The following LRP1B variants were observed in gnomAD, a reference collection of about 807,000 sequenced individuals.
LRP1B encodes the protein LDL receptor related protein 1B.
LRP1B carries 217 observed loss-of-function variants against 556.6 expected under a neutral mutation model. The ratio of observed to expected loss-of-function variants is 0.39; its 90% CI spans 0.35 to 0.44. LRP1B has a LOEUF of 0.44. Among genes scored for constraint, LRP1B ranks in the 20% least tolerant of loss-of-function variants. The pLI, the probability that LRP1B is intolerant of heterozygous loss-of-function variation, is 1.00. For missense variants in LRP1B, 5,053 were observed against 5,620.8 expected, an observed-to-expected ratio of 0.90 and a Z score of 3.23; for synonymous variants, 2,047 against 1,865.8, an observed-to-expected ratio of 1.10 and a Z score of -2.50.
intron 3 of LRP1B, among the ~76,000 whole-genome samples, chr2:141,358,544 C>T (rs1031674617): frequency 6.6e-6 from 1 of 152,202 alleles, no homozygotes; most frequent in African/African-American, 2.4e-5. Flanking sequence ...TCTTACCCTC[C>T]AATCTTCCTA....
At chr2:140,766,063 G>T (rs2015657) in intron 35 of LRP1B, among the ~76,000 whole-genome samples, 133,249 of 152,012 alleles carry the variant, frequency 0.88, 58,738 homozygotes, top group East Asian at 1. Context: ...CCTTCCATTT[G>T]GTCATTTTTA....
intron 10 of LRP1B, among the ~76,000 whole-genome samples, chr2:141,052,274 C>T (rs1271765698): frequency 6.6e-6 from 1 of 151,906 alleles, no homozygotes; most frequent in Non-Finnish European, 1.5e-5. Context: ...TATATTGATA[C>T]ATTTGAAAAT....
chr2:141,966,313 T>A (rs1701564922), intron 1 of LRP1B, among the ~76,000 whole-genome samples: 1 of 151,810 alleles, frequency 6.6e-6, no homozygotes, highest in South Asian at 2.1e-4. Context: ...CATGGAGTGT[T>A]AAAATGTTGT....
intron 2 of LRP1B, among the ~76,000 whole-genome samples, chr2:141,669,972 C>T (rs1690601509): frequency 1.3e-5 from 2 of 152,212 alleles, no homozygotes; most frequent in South Asian, 2.1e-4. Context: ...TCAGGCTGGT[C>T]TCGAACTCCT....
intron 35 of LRP1B, among the ~76,000 whole-genome samples, chr2:140,748,591 G>GTGTGTATATATA (rs1361412390): frequency 1.6e-4 from 12 of 73,332 alleles, no homozygotes; most frequent in East Asian, 1.2e-3. Context: ...TATACAGTGT[G>GTGTGTATATATA]TATATATATA....
At chr2:141,411,134 T>C (rs1423467626) in intron 3 of LRP1B, among the ~76,000 whole-genome samples, 1 of 152,058 alleles carries the variant, frequency 6.6e-6, no homozygotes. Flanking sequence ...AAACAGAAGA[T>C]GAAATTCAGA....
chr2:140,272,004 T>C (rs1173061280), intron 85 of LRP1B, among the ~76,000 whole-genome samples: 2 of 151,900 alleles, frequency 1.3e-5, no homozygotes, highest in East Asian at 3.9e-4. Context: ...GTTTATCAAA[T>C]CTCATCATCT....
chr2:140,655,427 A>G (rs1251610427), intron 41 of LRP1B, among the ~76,000 whole-genome samples: 1 of 152,168 alleles, frequency 6.6e-6, no homozygotes, highest in Non-Finnish European at 1.5e-5. Context: ...AAATACCTCA[A>G]TAACTGGAAT....
chr2:141,225,111 T>C (rs1683192377), intron 6 of LRP1B, among the ~76,000 whole-genome samples: 1 of 152,098 alleles, frequency 6.6e-6, no homozygotes, highest in South Asian at 2.1e-4. Context: ...AGGAAAAAGA[T>C]AAAAGCCTGT....
chr2:140,613,280 A>T (rs1683131753), intron 41 of LRP1B, among the ~76,000 whole-genome samples: 1 of 143,922 alleles, frequency 6.9e-6, no homozygotes, highest in Admixed American at 7.2e-5. Context: ...AATTATATAC[A>T]AGGTGATATT....
At chr2:140,263,018 G>A (rs958827206) in intron 86 of LRP1B, among the ~76,000 whole-genome samples, 2 of 151,996 alleles carry the variant, frequency 1.3e-5, no homozygotes, top group Non-Finnish European at 2.9e-5. Flanking sequence ...CAACTTCTCC[G>A]GCTCAGGTGA....
Position 141,235,397 on chromosome 2 carries a change from A to G in LRP1B, c.593-5957T>C, listed in dbSNP as rs192942297. Among the ~76,000 whole-genome samples the G allele has an allele frequency of 2.4e-4, 36 of 152,252 alleles. 1 individual carries two copies. Among genetic ancestry groups the G allele is most frequent in the Middle Eastern group, 6.8e-3 (2 of 294 alleles). ...AACTATGTTTTTATAATCAGGTATGATATCTTTCATAAAAGACGTATCATC... is the reference window on the plus strand; with the variant it reads ...AACTATGTTTTTATAATCAGGTATGGTATCTTTCATAAAAGACGTATCATC... On this transcript the variant is annotated intron_variant, in intron 5 of 90. Coordinates refer to ENST00000389484, the MANE Select transcript of LRP1B (RefSeq NM_018557.3).
At chr2:141,174,552 T>C (rs1284577730) in intron 7 of LRP1B, among the ~76,000 whole-genome samples, 1 of 152,136 alleles carries the variant, frequency 6.6e-6, no homozygotes, top group African/African-American at 2.4e-5. Context: ...TCTTGCTTTC[T>C]CTTCACCTTC....
At chr2:141,490,393 G>GTGTGCGCA (rs1683288631) in intron 2 of LRP1B, among the ~76,000 whole-genome samples, 1 of 142,358 alleles carries the variant, frequency 7.0e-6, no homozygotes, top group African/African-American at 3.1e-5. Context: ...GTGTGTGTGT[G>GTGTGCGCA]TGTGTGTTTT....
At chr2:141,598,370 T>G (rs1687598178) in intron 2 of LRP1B, among the ~76,000 whole-genome samples, 1 of 152,088 alleles carries the variant, frequency 6.6e-6, no homozygotes, top group Non-Finnish European at 1.5e-5. Context: ...ATGACATTAA[T>G]TTTTTAAAAA....
intron 2 of LRP1B, among the ~76,000 whole-genome samples, chr2:141,600,848 T>C (rs2105308312): frequency 6.6e-6 from 1 of 152,208 alleles, no homozygotes; most frequent in South Asian, 2.1e-4. Context: ...CCCTCTTGTG[T>C]TCAGTGCTGT....
chr2:140,602,586 C>G (rs1682714229), intron 41 of LRP1B, among the ~76,000 whole-genome samples: 1 of 151,766 alleles, frequency 6.6e-6, no homozygotes, highest in African/African-American at 2.4e-5. Flanking sequence ...TCAAAGAATC[C>G]CTAATAGGAA....
At chr2:140,784,375 TCC>T (rs1491340965) in intron 32 of LRP1B, among the ~76,000 whole-genome samples, 27 of 49,644 alleles carry the variant, frequency 5.4e-4, no homozygotes, top group African/African-American at 1.4e-3. Flanking sequence ...GGATTCTGCC[TCC>T]ACACACACAC....
At chr2:141,017,645 A>G (rs1697943622) in intron 12 of LRP1B, among the ~76,000 whole-genome samples, 2 of 76,628 alleles carry the variant, frequency 2.6e-5, no homozygotes, top group Admixed American at 1.2e-4. Context: ...GAGAGGTTAC[A>G]TATATATATA....
Sources: gnomAD v4.1 joint callset for allele counts (sites outside exome capture counted in the v4.1 genomes callset) on GRCh38, gnomAD v4.1.1 for gene constraint, MANE v1.5 for transcripts, NCBI Gene and HGNC (gene_info 2026-07-23, HGNC 2026-07-21) for gene names.